Variants in GRID2 observed in about 807,000 individuals in gnomAD.
The protein encoded by GRID2 is glutamate receptor ionotropic, delta-2.
A neutral mutation model predicts 114.8 loss-of-function variants in GRID2; 33 were observed. That is an observed-to-expected ratio of 0.29 (90% CI 0.22 to 0.38). The LOEUF (loss-of-function observed/expected upper bound fraction) is 0.38, where lower values mean the gene tolerates loss of function less well. Among genes scored for constraint, GRID2 ranks in the 10% least tolerant of loss-of-function variants. The pLI is 1.00. For synonymous variants in GRID2, 505 were observed against 449.9 expected, an observed-to-expected ratio of 1.12 and a Z score of -1.55; for missense variants, 1,184 against 1,257.7, an observed-to-expected ratio of 0.94 and a Z score of 0.89.
At chr4:93,225,414 G>T (rs1745374974) in intron 7 of GRID2, among the ~76,000 whole-genome samples, 1 of 152,056 alleles carries the variant, frequency 6.6e-6, no homozygotes, top group African/African-American at 2.4e-5. Context: ...TAGACTCTTT[G>T]TCATGTCATC....
At chr4:92,708,266 T>C (rs914416711) in intron 2 of GRID2, among the ~76,000 whole-genome samples, 2 of 152,190 alleles carry the variant, frequency 1.3e-5, no homozygotes, top group African/African-American at 4.8e-5. Flanking sequence ...AGAATAGTTA[T>C]TACCTTGCAA....
intron 1 of GRID2, among the ~76,000 whole-genome samples, chr4:92,474,553 C>T (rs900681505): frequency 6.6e-6 from 1 of 152,058 alleles, no homozygotes; most frequent in Admixed American, 6.6e-5. Flanking sequence ...AATGCTGGAT[C>T]ATAAGGTACT....
chr4:92,464,159 G>A (rs1403425917), intron 1 of GRID2, among the ~76,000 whole-genome samples: 1 of 151,902 alleles, frequency 6.6e-6, no homozygotes, highest in Non-Finnish European at 1.5e-5. Context: ...AATCTGTGAT[G>A]AGTAAATTAA....
intron 1 of GRID2, among the ~76,000 whole-genome samples, chr4:92,442,400 G>A (rs1032086630): frequency 3.5e-4 from 54 of 152,134 alleles, no homozygotes; most frequent in African/African-American, 4.6e-4. Context: ...TCCTTGGCCC[G>A]GTGGCCAGAT....
intron 14 of GRID2, among the ~76,000 whole-genome samples, chr4:93,726,300 T>A (rs1335391167): frequency 6.6e-6 from 1 of 152,346 alleles, no homozygotes; most frequent in East Asian, 1.9e-4. Context: ...GTTGTAGATA[T>A]GCGGCATTAT....
chr4:92,825,139 T>A (rs1741596582), intron 2 of GRID2, among the ~76,000 whole-genome samples: 1 of 152,136 alleles, frequency 6.6e-6, no homozygotes, highest in Non-Finnish European at 1.5e-5. Context: ...CACCTCTTCT[T>A]CTGATTTAGT....
intron 3 of GRID2, among the ~76,000 whole-genome samples, chr4:93,087,479 T>TTACG (rs1053028137): frequency 3.9e-5 from 6 of 152,124 alleles, no homozygotes; most frequent in African/African-American, 1.4e-4. Flanking sequence ...GACATTTTTA[T>TTACG]TACGGGTGAG....
chr4:93,134,694 A>T (rs2149379315), intron 4 of GRID2, among the ~76,000 whole-genome samples: 1 of 152,252 alleles, frequency 6.6e-6, no homozygotes. Flanking sequence ...GAAAATTAAA[A>T]TTTGATTTTT....
At chr4:92,557,286 C>G (rs1025850207) in intron 1 of GRID2, among the ~76,000 whole-genome samples, 7 of 151,620 alleles carry the variant, frequency 4.6e-5, no homozygotes, top group African/African-American at 1.7e-4. Flanking sequence ...CACAAACATT[C>G]ATATTTAAAA....
intron 1 of GRID2, among the ~76,000 whole-genome samples, chr4:92,408,631 T>TA (rs1367280707): frequency 1.9e-4 from 29 of 150,946 alleles, no homozygotes; most frequent in Admixed American, 1.7e-3. Flanking sequence ...TTATTATTAT[T>TA]TTTTTTTGTC....
intron 14 of GRID2, among the ~76,000 whole-genome samples, chr4:93,683,394 A>C (rs1725776168): frequency 6.6e-6 from 1 of 152,090 alleles, no homozygotes; most frequent in African/African-American, 2.4e-5. Flanking sequence ...TTAAGATAAG[A>C]AAAGCAAGTT....
rs563885693 is a variant in GRID2 at position 93,487,871 on chromosome 4, C to A, written c.1859-2768C>A. On this transcript the variant is annotated intron_variant, in intron 11 of 15. Coordinates refer to ENST00000282020, the MANE Select transcript of GRID2 (RefSeq NM_001510.4). The stretch of plus-strand genomic sequence containing the variant: ...GTTCTGAATGGCTTCATCCACCAAC[C>A]ATTACCAACCATTACCAAAATTGGA... Among the ~76,000 whole-genome samples the A allele has an allele frequency of 4.6e-5, 7 of 152,022 alleles. No homozygotes were observed. In the South Asian group the frequency reaches 1.4e-3, roughly 31 times the overall value.
intron 1 of GRID2, among the ~76,000 whole-genome samples, chr4:93,785,031 T>A (rs1734564250): frequency 6.6e-6 from 1 of 152,296 alleles, no homozygotes; most frequent in African/African-American, 2.4e-5. Flanking sequence ...AGGTATAGAC[T>A]AGAGAAAGAC....
At chr4:92,872,178 T>A (rs1170062919) in intron 2 of GRID2, among the ~76,000 whole-genome samples, 1 of 152,218 alleles carries the variant, frequency 6.6e-6, no homozygotes, top group Non-Finnish European at 1.5e-5. Flanking sequence ...GTTAACAATT[T>A]ATTAGGATAA....
chr4:92,446,384 T>C (rs1257268329), intron 1 of GRID2, among the ~76,000 whole-genome samples: 1 of 152,260 alleles, frequency 6.6e-6, no homozygotes, highest in Non-Finnish European at 1.5e-5. Context: ...CTTTGATATA[T>C]AGTTGCTCCA....
At chr4:92,556,336 T>G (rs1365926639) in intron 1 of GRID2, among the ~76,000 whole-genome samples, 1 of 152,148 alleles carries the variant, frequency 6.6e-6, no homozygotes, top group Non-Finnish European at 1.5e-5. Flanking sequence ...TGAAATCAAA[T>G]TTTAGAGATA....
intron 2 of GRID2, among the ~76,000 whole-genome samples, chr4:92,941,993 G>A (rs1210640620): frequency 6.6e-6 from 1 of 152,170 alleles, no homozygotes; most frequent in Non-Finnish European, 1.5e-5. Flanking sequence ...TTCCAAGTAT[G>A]TGGTCAATTT....
chr4:92,558,007 C>G (rs1726938623), intron 1 of GRID2, among the ~76,000 whole-genome samples: 1 of 152,116 alleles, frequency 6.6e-6, no homozygotes, highest in Non-Finnish European at 1.5e-5. Flanking sequence ...GAGAATGGAG[C>G]TAAAAATCAC....
At chr4:92,881,534 G>A (rs1455274852) in intron 2 of GRID2, among the ~76,000 whole-genome samples, 2 of 151,914 alleles carry the variant, frequency 1.3e-5, no homozygotes, top group African/African-American at 4.8e-5. Context: ...TAATTGATTT[G>A]CATTACAACA....
Sources: allele counts gnomAD v4.1 joint callset (sites outside exome capture counted in the v4.1 genomes callset), GRCh38; gene constraint gnomAD v4.1.1; transcripts MANE v1.5; gene names NCBI Gene and HGNC (gene_info 2026-07-23, HGNC 2026-07-21).